Variants in ACER3 observed in about 807,000 individuals in gnomAD.
The protein encoded by ACER3 is alkaline ceramidase 3.
Under a neutral mutation model 48.9 loss-of-function variants are expected in ACER3, and 16 were observed. That is an observed-to-expected ratio of 0.33 (90% CI 0.22 to 0.50). The LOEUF is 0.50. Among genes scored for constraint, ACER3 ranks in the 20% least tolerant of loss-of-function variants. The pLI is 0.98. For synonymous variants in ACER3, 109 were observed against 107.8 expected (o/e 1.01, Z -0.07); for missense variants, 227 against 326.0 (o/e 0.70, Z 2.34).
intron 7 of ACER3, among the ~76,000 whole-genome samples, chr11:76,999,380 T>TG (rs1948982850): frequency 7.5e-5 from 1 of 13,322 alleles, no homozygotes. Flanking sequence ...TGTGGGTTTG[T>TG]TTTTTTTTTC....
intron 1 of ACER3, among the ~76,000 whole-genome samples, chr11:76,892,870 A>T (rs1406368374): frequency 6.6e-6 from 1 of 152,324 alleles, no homozygotes; most frequent in East Asian, 1.9e-4. Context: ...GAGGAGGTCA[A>T]ATTGTCCCTG....
chr11:76,965,352 A>G (rs6592688), intron 3 of ACER3, among the ~76,000 whole-genome samples: 104,794 of 151,058 alleles, frequency 0.69, 37,238 homozygotes, highest in Non-Finnish European at 0.74. Flanking sequence ...TGAAAGTGAC[A>G]GGGAGAATGG....
rs1369294757 is a variant in ACER3 at position 77,024,691 on chromosome 11, A to G, written c.*4364A>G. On this transcript the variant is annotated 3_prime_UTR_variant, in exon 11 of 11. Transcript: ENST00000532485. ...ATTTCCATTGCTGTGATACACATTC[A>G]GCCATTTTGGAGGAAAGCTAAGCAG... 2.0e-5 allele frequency: 3 copies of G among 152,242 alleles called. No homozygotes were observed. Among genetic ancestry groups the G allele is most frequent in the Non-Finnish European group, 4.4e-5 (3 of 68,046 alleles). The allele number at this position is 152,242 out of a possible 1,614,324, so 9.4% of individuals were successfully genotyped here. A position where few individuals can be genotyped will look rare whatever the true frequency, so the allele number is the denominator to read the frequency against.
chr11:76,916,976 A>C (rs1238989064), intron 1 of ACER3, among the ~76,000 whole-genome samples: 1 of 152,128 alleles, frequency 6.6e-6, no homozygotes, highest in Non-Finnish European at 1.5e-5. Context: ...GCCAGAGTTT[A>C]CCTAAGCCGT....
At chr11:76,959,144 T>G in intron 3 of ACER3, 113 bp downstream of exon 3, 1 of 1,564,996 alleles carries the variant, frequency 6.4e-7, no homozygotes, top group Non-Finnish European at 8.6e-7. Context: ...ATCTCTGGAG[T>G]TTTTTACTTC....
At chr11:76,893,452 G>C (rs1233424428) in intron 1 of ACER3, among the ~76,000 whole-genome samples, 1 of 152,172 alleles carries the variant, frequency 6.6e-6, no homozygotes, top group Non-Finnish European at 1.5e-5. Flanking sequence ...TTTACAGGCT[G>C]TGTGATCTTA....
At chr11:76,914,561 ATG>A in intron 1 of ACER3, among the ~76,000 whole-genome samples, 1 of 152,276 alleles carries the variant, frequency 6.6e-6, no homozygotes, top group Admixed American at 6.5e-5. Flanking sequence ...GCTGGAGAGG[ATG>A]TGGAGAAATA....
At chr11:77,009,439 A>G (rs1379785502) in intron 7 of ACER3, among the ~76,000 whole-genome samples, 1 of 152,186 alleles carries the variant, frequency 6.6e-6, no homozygotes, top group African/African-American at 2.4e-5. Context: ...TGGGGATTAC[A>G]TCTCAACATG....
At chr11:76,936,724 T>TC (rs897075796) in intron 2 of ACER3, among the ~76,000 whole-genome samples, 4 of 150,410 alleles carry the variant, frequency 2.7e-5, no homozygotes, top group Non-Finnish European at 5.9e-5. Context: ...TTTCTTTCTT[T>TC]TTTTTTTTTT....
At chr11:77,008,270 AGTCC>A (rs1949195121) in intron 7 of ACER3, among the ~76,000 whole-genome samples, 3 of 152,214 alleles carry the variant, frequency 2.0e-5, no homozygotes, top group Non-Finnish European at 4.4e-5. Context: ...CAGAAGCCCA[AGTCC>A]CAGTTTATTC....
At chr11:76,870,543 A>C (rs117691318) in intron 1 of ACER3, among the ~76,000 whole-genome samples, 2 of 152,178 alleles carry the variant, frequency 1.3e-5, no homozygotes, top group Non-Finnish European at 2.9e-5. Context: ...TCAAGACCCT[A>C]AAGGTGGAAC....
Position 76,937,602 on chromosome 11 carries a change from T to C in ACER3, c.214+10935T>C, listed in dbSNP as rs372893565. Among the ~76,000 whole-genome samples, 22 of 152,332 alleles carry C rather than the reference T, an allele frequency of 1.4e-4. 1 individual carries two copies. Among genetic ancestry groups the C allele is most frequent in the African/African-American group, 4.6e-4 (19 of 41,582 alleles). ...AGAATGTAAAATAATATTTAAAAAG[T>C]TGGTATACAACTTTTTTGCTAGTAA... On this transcript the variant is annotated intron_variant, in intron 2 of 10. Transcript: ENST00000532485.
intron 1 of ACER3, among the ~76,000 whole-genome samples, chr11:76,899,124 T>G (rs948753416): frequency 5.3e-5 from 8 of 152,120 alleles, no homozygotes; most frequent in Non-Finnish European, 1.0e-4. Context: ...TATACAGATT[T>G]CTAGGGAAAA....
chr11:76,879,482 A>G (rs556234917), intron 1 of ACER3, among the ~76,000 whole-genome samples: 1 of 152,334 alleles, frequency 6.6e-6, no homozygotes, highest in South Asian at 2.1e-4. Context: ...TTGAGTAGAA[A>G]TGACATCATG....
chr11:76,987,889 A>G (rs1360416313), intron 5 of ACER3, among the ~76,000 whole-genome samples: 3 of 152,236 alleles, frequency 2.0e-5, no homozygotes, highest in Admixed American at 6.5e-5. Context: ...TCAGTGAGCC[A>G]TGATTGTGCC....
intron 1 of ACER3, among the ~76,000 whole-genome samples, chr11:76,915,207 A>G (rs980757860): frequency 2.0e-5 from 3 of 152,036 alleles, no homozygotes; most frequent in Non-Finnish European, 4.4e-5. Flanking sequence ...GGAAAAATAA[A>G]TAAATAAGTT....
chr11:76,973,166 C>A (rs1266829625), intron 3 of ACER3, among the ~76,000 whole-genome samples: 2 of 152,220 alleles, frequency 1.3e-5, no homozygotes, highest in South Asian at 4.1e-4. Context: ...AGGCAGGCAA[C>A]GGATTCCCCT....
intron 1 of ACER3, among the ~76,000 whole-genome samples, chr11:76,911,977 A>T (rs1333418808): frequency 6.6e-6 from 1 of 152,194 alleles, no homozygotes; most frequent in Non-Finnish European, 1.5e-5. Context: ...TAGGGAATTC[A>T]TCCTGTGAAC....
intron 1 of ACER3, among the ~76,000 whole-genome samples, chr11:76,883,643 C>G (rs1166860986): frequency 6.6e-6 from 1 of 152,024 alleles, no homozygotes; most frequent in Non-Finnish European, 1.5e-5. Flanking sequence ...CGGAGTTTCG[C>G]CATGTTGGCC....
Sources: allele counts gnomAD v4.1 joint callset (sites outside exome capture counted in the v4.1 genomes callset), GRCh38; gene constraint gnomAD v4.1.1; transcripts MANE v1.5; gene names NCBI Gene and HGNC (gene_info 2026-07-23, HGNC 2026-07-21).